The following SDK1 variants were observed in gnomAD, a reference collection of about 807,000 sequenced individuals.
The protein encoded by SDK1 is protein sidekick-1.
Under a neutral mutation model 245.5 loss-of-function variants are expected in SDK1, and 157 were observed. The ratio of observed to expected loss-of-function variants is 0.64; its 90% CI spans 0.56 to 0.73. The LOEUF (loss-of-function observed/expected upper bound fraction) is 0.73, where lower values mean the gene tolerates loss of function less well. SDK1 is among the 30% of genes least tolerant of loss of function. The probability of loss-of-function intolerance (pLI) is 0.00; values close to 1 mark genes in which losing one functional copy is unlikely to be tolerated. For synonymous variants in SDK1, 1,647 were observed against 1,278.5 expected, an observed-to-expected ratio of 1.29 and a Z score of -6.15; for missense variants, 3,583 against 3,002.3, an observed-to-expected ratio of 1.19 and a Z score of -4.52.
At chr7:3,920,262 T>G (rs76760873) in intron 5 of SDK1, among the ~76,000 whole-genome samples, 2,800 of 152,132 alleles carry the variant, frequency 0.018, 75 homozygotes, top group African/African-American at 0.053. Flanking sequence ...CCTAGGGGTG[T>G]TTTAGGAAGA....
At chr7:3,858,063 GT>G (rs1212026849) in intron 5 of SDK1, among the ~76,000 whole-genome samples, 10 of 152,152 alleles carry the variant, frequency 6.6e-5, no homozygotes, top group African/African-American at 2.2e-4. Context: ...TGATTCTGAA[GT>G]TAATATGGAA....
At chr7:3,464,715 T>TATATATAC (rs1455056921) in intron 1 of SDK1, among the ~76,000 whole-genome samples, 2 of 150,670 alleles carry the variant, frequency 1.3e-5, no homozygotes, top group Admixed American at 6.6e-5. Flanking sequence ...TATATATATA[T>TATATATAC]ACACACACAC....
intron 44 of SDK1, among the ~76,000 whole-genome samples, chr7:4,252,876 T>C (rs1479564269): frequency 1.3e-5 from 2 of 151,544 alleles, no homozygotes; most frequent in Admixed American, 1.3e-4. Context: ...TTTGTGTCTT[T>C]CTAAGGATTT....
chr7:3,526,231 G>T (rs1264865304), intron 1 of SDK1, among the ~76,000 whole-genome samples: 1 of 149,882 alleles, frequency 6.7e-6, no homozygotes, highest in Non-Finnish European at 1.5e-5. Flanking sequence ...AGACTCCGTC[G>T]CAAAAAAAGA....
intron 17 of SDK1, among the ~76,000 whole-genome samples, chr7:4,023,705 G>C (rs1173738046): frequency 6.6e-6 from 1 of 152,182 alleles, no homozygotes; most frequent in Non-Finnish European, 1.5e-5. Context: ...TTGGGAGGGA[G>C]AGTACTATAG....
At chr7:3,351,330 A>T (rs945972945) in intron 1 of SDK1, among the ~76,000 whole-genome samples, 1 of 152,224 alleles carries the variant, frequency 6.6e-6, no homozygotes, top group East Asian at 1.9e-4. Context: ...ATTTATTGAT[A>T]TTACTCAACA....
chr7:3,377,349 G>C (rs1015180960), intron 1 of SDK1, among the ~76,000 whole-genome samples: 1 of 152,076 alleles, frequency 6.6e-6, no homozygotes, highest in Admixed American at 6.6e-5. Context: ...TGCAGCTGCC[G>C]CAGGTTTTCT....
intron 4 of SDK1, among the ~76,000 whole-genome samples, chr7:3,738,960 TG>T (rs1483833101): frequency 6.1e-5 from 9 of 147,490 alleles, no homozygotes; most frequent in African/African-American, 2.4e-4. Flanking sequence ...CAATTATTTT[TG>T]TTTTTTTGTT....
intron 1 of SDK1, among the ~76,000 whole-genome samples, chr7:3,378,275 T>C (rs942109482): frequency 1.3e-5 from 2 of 152,198 alleles, no homozygotes; most frequent in Non-Finnish European, 2.9e-5. Context: ...CCATAAAATA[T>C]ATGGTCTGCT....
At chr7:3,478,186 T>A (rs1000665073) in intron 1 of SDK1, among the ~76,000 whole-genome samples, 1 of 152,176 alleles carries the variant, frequency 6.6e-6, no homozygotes, top group African/African-American at 2.4e-5. Context: ...TCCTGAAGTT[T>A]CATGGCCATT....
At chr7:3,931,172 C>T (rs531561812) in intron 5 of SDK1, among the ~76,000 whole-genome samples, 1 of 152,278 alleles carries the variant, frequency 6.6e-6, no homozygotes, top group African/African-American at 2.4e-5. Context: ...CATGGACGAG[C>T]AGATCAACCC....
At chr7:4,168,789 C>T (rs981201215) in intron 32 of SDK1, among the ~76,000 whole-genome samples, 4 of 152,170 alleles carry the variant, frequency 2.6e-5, no homozygotes, top group African/African-American at 9.7e-5. Context: ...CTGGTACTTA[C>T]AGAGCCCCTG....
intron 4 of SDK1, among the ~76,000 whole-genome samples, chr7:3,743,974 A>G (rs566962069): frequency 6.6e-5 from 10 of 152,292 alleles, no homozygotes; most frequent in Non-Finnish European, 1.3e-4. Context: ...GTAATTAATA[A>G]GACACTATTA....
rs12333850 is a variant in SDK1, at chr7:3,776,017, G to A, written c.714-45433G>A. ...AACTGTGATCCTAATCACGTGTAACGTATTTCCCACCCTGCATTGTCCACA... is the reference window on the plus strand; with the variant it reads ...AACTGTGATCCTAATCACGTGTAACATATTTCCCACCCTGCATTGTCCACA... On this transcript the variant is annotated intron_variant, in intron 4 of 44. Coordinates refer to ENST00000404826, the MANE Select transcript of SDK1 (RefSeq NM_152744.4). 5.6e-3 allele frequency among the ~76,000 whole-genome samples: 854 copies of A among 152,294 alleles called. 9 individuals are homozygous for A. Among genetic ancestry groups the A allele is most frequent in the African/African-American group, 0.02 (821 of 41,554 alleles).
At chr7:3,898,985 T>C (rs1378537462) in intron 5 of SDK1, among the ~76,000 whole-genome samples, 1 of 152,246 alleles carries the variant, frequency 6.6e-6, no homozygotes, top group African/African-American at 2.4e-5. Flanking sequence ...AATTCTATAG[T>C]AAGGTGAAAC....
Position 4,071,491 on chromosome 7 carries a change from G to A in SDK1, c.3010+3555G>A, listed in dbSNP as rs188716700. Among the ~76,000 whole-genome samples, 508 of 152,296 alleles carry A rather than the reference G, an allele frequency of 3.3e-3. 3 individuals are homozygous for A. Among genetic ancestry groups the A allele is most frequent in the South Asian group, 0.031 (150 of 4,826 alleles). ...CACATTCTGAAGTCATCTGAGAATC[G>A]CAAGTGCTGAGTGTGTACAATTAAA... is the stretch of plus-strand genomic sequence containing the variant. On this transcript the variant is annotated intron_variant, in intron 20 of 44. Transcript: ENST00000404826.
At chr7:3,536,667 C>G (rs1778896587) in intron 1 of SDK1, among the ~76,000 whole-genome samples, 2 of 151,578 alleles carry the variant, frequency 1.3e-5, no homozygotes, top group East Asian at 1.9e-4. Flanking sequence ...CCACTCCAGC[C>G]TGGGCAACAG....
At chr7:3,622,643 G>C (rs1010112877) in intron 2 of SDK1, among the ~76,000 whole-genome samples, 1 of 152,168 alleles carries the variant, frequency 6.6e-6, no homozygotes, top group Non-Finnish European at 1.5e-5. Flanking sequence ...AAGAGCCCTT[G>C]CATATGTATT....
chr7:3,893,136 T>C (rs1350434077), intron 5 of SDK1, among the ~76,000 whole-genome samples: 1 of 152,144 alleles, frequency 6.6e-6, no homozygotes, highest in Non-Finnish European at 1.5e-5. Flanking sequence ...CTCAGGGCTG[T>C]GGGTAGGATA....
Sources: gnomAD v4.1 joint callset for allele counts (sites outside exome capture counted in the v4.1 genomes callset) on GRCh38, gnomAD v4.1.1 for gene constraint, MANE v1.5 for transcripts, NCBI Gene and HGNC (gene_info 2026-07-23, HGNC 2026-07-21) for gene names.